The following LGSN variants were observed in gnomAD, a reference collection of about 807,000 sequenced individuals.
LGSN encodes the protein lengsin, lens protein with glutamine synthetase domain.
In LGSN, 21 loss-of-function variants were observed where a neutral mutation model predicts 19.5. That is an observed-to-expected ratio of 1.07 (90% CI 0.76 to 1.55). The LOEUF (loss-of-function observed/expected upper bound fraction) is 1.55. Ranked by LOEUF, LGSN falls within the 40% of genes most tolerant of loss-of-function variation. The probability of loss-of-function intolerance (pLI) is 0.00; values close to 1 mark genes in which losing one functional copy is unlikely to be tolerated. For missense variants in LGSN, 673 were observed against 608.5 expected, an observed-to-expected ratio of 1.11 and a Z score of -1.12; for synonymous variants, 257 against 215.6, an observed-to-expected ratio of 1.19 and a Z score of -1.68.
the LGSN span, among the ~76,000 whole-genome samples, chr6:63,513,159 T>C: frequency 5.9e-5 from 9 of 152,340 alleles, no homozygotes; most frequent in East Asian, 1.5e-3. Flanking sequence ...CACTTCATTG[T>C]TCCATAGCTG....
At chr6:63,449,371 C>T in the LGSN span, among the ~76,000 whole-genome samples, 1 of 151,688 alleles carries the variant, frequency 6.6e-6, no homozygotes, top group African/African-American at 2.4e-5. Context: ...GTGGTAAAAC[C>T]CTGTCTCTAC....
chr6:63,365,595 G>T, the LGSN span, among the ~76,000 whole-genome samples: 19,726 of 151,990 alleles, frequency 0.13, 2,814 homozygotes, highest in African/African-American at 0.36. Context: ...TATGAGGCCA[G>T]CATCATCCTG....
the LGSN span, among the ~76,000 whole-genome samples, chr6:63,350,830 C>A: frequency 6.6e-6 from 1 of 151,218 alleles, no homozygotes; most frequent in Non-Finnish European, 1.5e-5. Context: ...CCAGCCTGGG[C>A]CACAGAGCCA....
chr6:63,442,983 G>A, the LGSN span, among the ~76,000 whole-genome samples: 21 of 152,350 alleles, frequency 1.4e-4, no homozygotes, highest in Non-Finnish European at 2.5e-4. Flanking sequence ...ATGGGACCAG[G>A]CACTGTGGAG....
chr6:63,535,338 C>G, the LGSN span, among the ~76,000 whole-genome samples: 1 of 152,046 alleles, frequency 6.6e-6, no homozygotes, highest in African/African-American at 2.4e-5. Flanking sequence ...TAGTGGCATG[C>G]TTGTAATCCC....
At chr6:63,525,349 T>C in the LGSN span, among the ~76,000 whole-genome samples, 1 of 152,212 alleles carries the variant, frequency 6.6e-6, no homozygotes. Context: ...GGTTAGATTC[T>C]GCCAATGGGG....
the LGSN span, among the ~76,000 whole-genome samples, chr6:63,467,472 C>T: frequency 6.6e-6 from 1 of 152,150 alleles, no homozygotes; most frequent in African/African-American, 2.4e-5. Context: ...TGTATTTTCT[C>T]ACAGTTCTAG....
the LGSN span, among the ~76,000 whole-genome samples, chr6:63,412,495 A>AGAGAGAG: frequency 3.0e-5 from 3 of 100,758 alleles, no homozygotes; most frequent in South Asian, 3.4e-4. Flanking sequence ...AGAAAGAAAG[A>AGAGAGAG]AAGAAAGAAA....
chr6:63,506,914 G>A, the LGSN span, among the ~76,000 whole-genome samples: 24 of 152,088 alleles, frequency 1.6e-4, no homozygotes, highest in African/African-American at 5.6e-4. Flanking sequence ...AAAAGTTCAC[G>A]TGACACTATC....
chr6:63,505,597 G>GATAT, the LGSN span, among the ~76,000 whole-genome samples: 1 of 117,108 alleles, frequency 8.5e-6, no homozygotes, highest in Non-Finnish European at 1.7e-5. Context: ...AAGAAAGAAA[G>GATAT]AAAGAAAGAA....
chr6:63,396,277 G>T, the LGSN span: 1 of 178,872 alleles, frequency 5.6e-6, no homozygotes. Flanking sequence ...GTTTCCACCA[G>T]GATGAATCAG....
rs144558251 is a variant in LGSN, at chr6:63,290,175, T to C, written c.164-4422A>G. 3.2e-4 allele frequency among the ~76,000 whole-genome samples: 49 copies of C among 152,330 alleles called. No homozygotes were observed. In the East Asian group the frequency reaches 8.5e-3, roughly 26 times the overall value. On this transcript the variant is annotated intron_variant, in intron 2 of 3. Coordinates refer to ENST00000370657, the MANE Select transcript of LGSN (RefSeq NM_016571.3). ...TTTATTTTTAAATTATGTATATGTA[T>C]TGGTTTGCAGTTTAAATTTTTAGTA...
At chr6:63,500,572 C>T in the LGSN span, among the ~76,000 whole-genome samples, 1 of 151,758 alleles carries the variant, frequency 6.6e-6, no homozygotes, top group African/African-American at 2.4e-5. Flanking sequence ...CAGGCATGCA[C>T]CACCACGCCT....
At chr6:63,283,649 T>TACAC (rs151104344) in intron 3 of LGSN, among the ~76,000 whole-genome samples, 4,132 of 145,508 alleles carry the variant, frequency 0.028, 195 homozygotes, top group African/African-American at 0.099. Context: ...TGGAATAAGG[T>TACAC]ACACACACAC....
the LGSN span, among the ~76,000 whole-genome samples, chr6:63,490,799 T>C: frequency 6.6e-6 from 1 of 152,140 alleles, no homozygotes; most frequent in Non-Finnish European, 1.5e-5. Flanking sequence ...GCAAGCTGGA[T>C]GCACAGGAAA....
At chr6:63,354,325 G>T in the LGSN span, among the ~76,000 whole-genome samples, 1 of 151,996 alleles carries the variant, frequency 6.6e-6, no homozygotes, top group Non-Finnish European at 1.5e-5. Flanking sequence ...TTAAAAAGTG[G>T]GCAAGAGGTC....
At chr6:63,389,447 A>T in the LGSN span, among the ~76,000 whole-genome samples, 1 of 152,200 alleles carries the variant, frequency 6.6e-6, no homozygotes, top group South Asian at 2.1e-4. Flanking sequence ...TTGGCAAAAC[A>T]ATCCCACCGT....
At chr6:63,410,929 C>A in the LGSN span, among the ~76,000 whole-genome samples, 3 of 152,136 alleles carry the variant, frequency 2.0e-5, no homozygotes, top group African/African-American at 7.2e-5. Flanking sequence ...AATTCCTAAG[C>A]AACGAGGTTT....
the LGSN span, among the ~76,000 whole-genome samples, chr6:63,491,725 G>T: frequency 6.6e-6 from 1 of 152,134 alleles, no homozygotes. Flanking sequence ...TGCTAGTGTG[G>T]TTTCACTATA....
Sources: gnomAD v4.1 joint callset for allele counts (sites outside exome capture counted in the v4.1 genomes callset) on GRCh38, gnomAD v4.1.1 for gene constraint, MANE v1.5 for transcripts, NCBI Gene and HGNC (gene_info 2026-07-23, HGNC 2026-07-21) for gene names.